ASAP2: variants seen among roughly 807,000 people sequenced by gnomAD.
ASAP2 encodes ArfGAP with SH3 domain, ankyrin repeat and PH domain 2.
Under a neutral mutation model 131.4 loss-of-function variants are expected in ASAP2, and 45 were observed. The observed-to-expected ratio is 0.34, with a 90% CI of 0.27 to 0.44. ASAP2 has a LOEUF of 0.44. Ranked by LOEUF, ASAP2 falls within the 20% of genes least tolerant of loss-of-function variation. The pLI is 1.00. For synonymous variants in ASAP2, 510 were observed against 503.0 expected (o/e 1.01, Z -0.19); for missense variants, 1,011 against 1,297.0 (o/e 0.78, Z 3.39).
intron 3 of ASAP2, among the ~76,000 whole-genome samples, chr2:9,317,867 A>G (rs1243855418): frequency 2.6e-5 from 4 of 152,090 alleles, no homozygotes; most frequent in Non-Finnish European, 5.9e-5. Context: ...ACGATCACTC[A>G]TACCCACATT....
intron 2 of ASAP2, among the ~76,000 whole-genome samples, chr2:9,294,905 C>G (rs1245127753): frequency 6.6e-6 from 1 of 152,208 alleles, no homozygotes; most frequent in East Asian, 1.9e-4. Context: ...AGGTTGCGTT[C>G]CTGTTTCTGT....
chr2:9,319,569 T>C (rs62121352), intron 4 of ASAP2, among the ~76,000 whole-genome samples: 44,775 of 152,196 alleles, frequency 0.29, 6,969 homozygotes, highest in Non-Finnish European at 0.36. Flanking sequence ...GCTGCCAGGG[T>C]GCAGGAGGAG....
chr2:9,249,555 C>T (rs991948829), intron 1 of ASAP2, among the ~76,000 whole-genome samples: 1 of 152,208 alleles, frequency 6.6e-6, no homozygotes, highest in Admixed American at 6.5e-5. Context: ...TTGCTGATGT[C>T]CTGTGAATAA....
chr2:9,263,683 T>A (rs987643205), intron 1 of ASAP2, among the ~76,000 whole-genome samples: 1 of 152,182 alleles, frequency 6.6e-6, no homozygotes, highest in African/African-American at 2.4e-5. Flanking sequence ...TGCAGGAGGC[T>A]GCAGCCTCTC....
At chr2:9,327,953 G>A in intron 7 of ASAP2, 42 bp downstream of exon 7, 1 of 1,439,114 alleles carries the variant, frequency 6.9e-7, no homozygotes, top group Non-Finnish European at 9.4e-7. Context: ...GTTTGTTCAT[G>A]TGTGGCAACT....
intron 2 of ASAP2, among the ~76,000 whole-genome samples, chr2:9,286,447 A>AATATATATATATATATAT (rs1553304561): frequency 1.3e-5 from 2 of 148,418 alleles, no homozygotes; most frequent in African/African-American, 2.5e-5. Flanking sequence ...GAAAAAAAAA[A>AATATATATATATATATAT]ATATATATAT....
rs1292647387 is a variant in ASAP2 at position 9,393,593 on chromosome 2, C to A, written c.2630C>A (p.Pro877Gln). 3 of 1,594,240 alleles carry A rather than the reference C, an allele frequency of 1.9e-6. No homozygotes were observed. The highest frequency in any genetic ancestry group is 4.6e-5 in the East Asian group (2 of 43,932). Residue 877 changes from proline to glutamine, a missense_variant, in exon 24 of 28, where the codon CCA (proline) becomes CAA (glutamine). Transcript: ENST00000281419. ...APPGISQIRP[P>Q]PLPPQPPSRL... Reference sequence around the variant, plus strand: ...CCTGGGATCTCACAGATCAGGCCCCCACCTCTGCCCCCACAGCCGCCCAGC... The same window carrying A: ...CCTGGGATCTCACAGATCAGGCCCCAACCTCTGCCCCCACAGCCGCCCAGC...
intron 3 of ASAP2, among the ~76,000 whole-genome samples, chr2:9,306,370 C>T (rs924170117): frequency 3.3e-5 from 5 of 151,710 alleles, no homozygotes; most frequent in Admixed American, 6.6e-5. Context: ...GCAGCCGTGT[C>T]GGCTTGGGTG....
At position 9,374,797 on chromosome 2, in the gene ASAP2, G is replaced by T. The variant is rs1365755412; in HGVS notation, c.1599G>T (p.Arg533Ser). 6.2e-7 allele frequency: 1 copy of T among 1,612,388 alleles called. No homozygotes were observed. The highest frequency in any genetic ancestry group is 8.5e-7 in the Non-Finnish European group (1 of 1,179,588). The change falls in exon 17 of 28, where the codon AGG (arginine) becomes AGT (serine). Residue 533 changes from arginine to serine, a missense_variant. Coordinates refer to ENST00000281419, the MANE Select transcript of ASAP2 (RefSeq NM_003887.3). ...ACATCACAGCCAAGTACATCGAGAG[G>T]AGATACGCAAGGAAGAAGCACGCGG... ...KDYITAKYIE[R>S]RYARKKHADN...
At chr2:9,369,121 C>T (rs1410235391) in intron 16 of ASAP2, among the ~76,000 whole-genome samples, 2 of 151,832 alleles carry the variant, frequency 1.3e-5, no homozygotes, top group Non-Finnish European at 2.9e-5. Flanking sequence ...CAGGTTCAAG[C>T]GATTCTTCTG....
chr2:9,238,137 C>G (rs1255668048), intron 1 of ASAP2, among the ~76,000 whole-genome samples: 1 of 152,178 alleles, frequency 6.6e-6, no homozygotes, highest in Non-Finnish European at 1.5e-5. Flanking sequence ...TTAGCTGACC[C>G]GCTACCTACT....
At chr2:9,241,416 A>G (rs1663958907) in intron 1 of ASAP2, among the ~76,000 whole-genome samples, 1 of 152,074 alleles carries the variant, frequency 6.6e-6, no homozygotes, top group African/African-American at 2.4e-5. Flanking sequence ...CCTTATCCAT[A>G]TCAGGGTTGG....
intron 1 of ASAP2, among the ~76,000 whole-genome samples, chr2:9,231,048 G>A (rs981267582): frequency 2.6e-5 from 4 of 152,184 alleles, no homozygotes; most frequent in South Asian, 4.1e-4. Flanking sequence ...CTGCTTTGCG[G>A]TTCTATGTCG....
chr2:9,208,394 G>A (rs1221015540), intron 1 of ASAP2, among the ~76,000 whole-genome samples: 2 of 147,924 alleles, frequency 1.4e-5, no homozygotes, highest in African/African-American at 5.0e-5. Context: ...AAGCAATGGC[G>A]TTATTTTTTT....
intron 21 of ASAP2, among the ~76,000 whole-genome samples, chr2:9,387,691 A>C (rs546634194): frequency 6.6e-6 from 1 of 152,358 alleles, no homozygotes; most frequent in Middle Eastern, 3.4e-3. Context: ...TTTTAAATCC[A>C]TCACAGAATG....
At chr2:9,400,630 C>T (rs1026606692) in intron 25 of ASAP2, 112 bp from the exon 26 acceptor site, 12 of 955,352 alleles carry the variant, frequency 1.3e-5, no homozygotes, top group African/African-American at 3.2e-5. Flanking sequence ...CTCAACAGAT[C>T]GGAACACCTG....
At chr2:9,290,551 C>G (rs1292851242) in intron 2 of ASAP2, among the ~76,000 whole-genome samples, 1 of 152,216 alleles carries the variant, frequency 6.6e-6, no homozygotes, top group African/African-American at 2.4e-5. Context: ...CTGTAACAAT[C>G]TAGCCATTAG....
intron 11 of ASAP2, among the ~76,000 whole-genome samples, chr2:9,347,856 A>C (rs1672069707): frequency 6.6e-6 from 1 of 152,224 alleles, no homozygotes; most frequent in African/African-American, 2.4e-5. Flanking sequence ...ATGATCAGTC[A>C]TGAAGAAAGA....
At chr2:9,304,552 T>G in intron 3 of ASAP2, among the ~76,000 whole-genome samples, 2 of 145,700 alleles carry the variant, frequency 1.4e-5, no homozygotes, top group African/African-American at 2.6e-5. Context: ...AGGGCTGCAG[T>G]TGTGGGGGTG....
Sources: gnomAD v4.1 joint callset for allele counts (sites outside exome capture counted in the v4.1 genomes callset) on GRCh38, gnomAD v4.1.1 for gene constraint, MANE v1.5 for transcripts, NCBI Gene and HGNC (gene_info 2026-07-23, HGNC 2026-07-21) for gene names.